ARHGAP15: variants seen among roughly 807,000 people sequenced by gnomAD.
ARHGAP15 encodes rho GTPase-activating protein 15.
ARHGAP15 carries 51 observed loss-of-function variants against 63.7 expected under a neutral mutation model. The observed-to-expected ratio is 0.80, with a 90% CI of 0.64 to 1.01. The LOEUF is 1.01. Ranked by LOEUF, ARHGAP15 falls within the 50% of genes least tolerant of loss-of-function variation. The probability of loss-of-function intolerance (pLI) is 0.00; values close to 1 mark genes in which losing one functional copy is unlikely to be tolerated. For synonymous variants in ARHGAP15, 191 were observed against 193.8 expected (o/e 0.99, Z 0.12); for missense variants, 560 against 564.6 (o/e 0.99, Z 0.08).
intron 11 of ARHGAP15, among the ~76,000 whole-genome samples, chr2:143,562,204 TA>T (rs1284698764): frequency 6.6e-6 from 1 of 152,226 alleles, no homozygotes; most frequent in African/African-American, 2.4e-5. Context: ...AGCCAAGCAT[TA>T]ACTTTAGTAG....
intron 13 of ARHGAP15, among the ~76,000 whole-genome samples, chr2:143,739,360 G>C (rs1685875076): frequency 6.6e-6 from 1 of 152,008 alleles, no homozygotes; most frequent in Non-Finnish European, 1.5e-5. Context: ...CAAGCAGAAA[G>C]GCCATTTGGG....
At chr2:143,534,891 TAAA>T (rs1227825167) in intron 10 of ARHGAP15, among the ~76,000 whole-genome samples, 1 of 150,886 alleles carries the variant, frequency 6.6e-6, no homozygotes, top group Non-Finnish European at 1.5e-5. Flanking sequence ...AAAAAAAAAA[TAAA>T]AAACAAAACA....
intron 6 of ARHGAP15, among the ~76,000 whole-genome samples, chr2:143,381,888 G>C (rs1355557223): frequency 6.6e-6 from 1 of 152,004 alleles, no homozygotes; most frequent in Non-Finnish European, 1.5e-5. Context: ...ACAAATAAGA[G>C]GTGATTTTCA....
chr2:143,707,302 A>G (rs897895849), intron 13 of ARHGAP15, among the ~76,000 whole-genome samples: 4 of 152,230 alleles, frequency 2.6e-5, no homozygotes, highest in African/African-American at 9.6e-5. Flanking sequence ...TTTGTCTCCC[A>G]TATCCAGTCA....
At chr2:143,190,687 G>T (rs943608968) in intron 2 of ARHGAP15, among the ~76,000 whole-genome samples, 15 of 152,192 alleles carry the variant, frequency 9.9e-5, no homozygotes, top group African/African-American at 3.6e-4. Flanking sequence ...GATGGCTGTT[G>T]CAGGCAGTCT....
At chr2:143,657,486 CT>C (rs1356616822) in intron 12 of ARHGAP15, among the ~76,000 whole-genome samples, 1 of 152,184 alleles carries the variant, frequency 6.6e-6, no homozygotes, top group Non-Finnish European at 1.5e-5. Flanking sequence ...GAACAGTTGT[CT>C]TTTTGTACTA....
chr2:143,499,549 A>T (rs1692964383), intron 9 of ARHGAP15, among the ~76,000 whole-genome samples: 1 of 152,190 alleles, frequency 6.6e-6, no homozygotes, highest in African/African-American at 2.4e-5. Context: ...GCTCAGGAAT[A>T]TTCAGGAGCC....
intron 13 of ARHGAP15, among the ~76,000 whole-genome samples, chr2:143,756,502 G>A (rs371640849): frequency 1.3e-5 from 2 of 152,058 alleles, no homozygotes; most frequent in East Asian, 1.9e-4. Context: ...AATGCAGAGC[G>A]ATGCCTTCCC....
At chr2:143,320,970 C>T (rs1683992329) in intron 6 of ARHGAP15, among the ~76,000 whole-genome samples, 2 of 152,120 alleles carry the variant, frequency 1.3e-5, no homozygotes, top group Non-Finnish European at 2.9e-5. Context: ...ACCTTGCAGC[C>T]AGCACCAGGC....
At chr2:143,266,443 T>A (rs1004162638) in intron 6 of ARHGAP15, among the ~76,000 whole-genome samples, 4 of 152,172 alleles carry the variant, frequency 2.6e-5, no homozygotes, top group African/African-American at 9.6e-5. Context: ...AATACTACTT[T>A]GCTGGGCCCC....
At chr2:143,213,670 T>C (rs1330035961) in intron 3 of ARHGAP15, among the ~76,000 whole-genome samples, 1 of 152,194 alleles carries the variant, frequency 6.6e-6, no homozygotes, top group Non-Finnish European at 1.5e-5. Context: ...TAGTAGGTAA[T>C]AGAACATAGC....
At chr2:143,280,671 G>T (rs1023461620) in intron 6 of ARHGAP15, among the ~76,000 whole-genome samples, 4 of 152,062 alleles carry the variant, frequency 2.6e-5, no homozygotes, top group African/African-American at 9.7e-5. Flanking sequence ...ATCTGTCTAT[G>T]GTGCCTTCTT....
At chr2:143,588,334 T>C (rs1350038722) in intron 11 of ARHGAP15, among the ~76,000 whole-genome samples, 1 of 152,218 alleles carries the variant, frequency 6.6e-6, no homozygotes, top group Non-Finnish European at 1.5e-5. Flanking sequence ...AATTTGCTTT[T>C]GTGAGTAGAA....
chr2:143,208,015 A>G (rs550472200), intron 3 of ARHGAP15, among the ~76,000 whole-genome samples: 6 of 152,122 alleles, frequency 3.9e-5, no homozygotes, highest in Admixed American at 6.6e-5. Flanking sequence ...AGAGTCATCC[A>G]GGAGTCCTGG....
chr2:143,208,810 T>G (rs1264184944), intron 3 of ARHGAP15, among the ~76,000 whole-genome samples: 1 of 152,182 alleles, frequency 6.6e-6, no homozygotes, highest in Non-Finnish European at 1.5e-5. Context: ...GTTTATAACA[T>G]GTTAAATCTT....
At chr2:143,410,565 T>C (rs557734925) in intron 6 of ARHGAP15, among the ~76,000 whole-genome samples, 41 of 152,332 alleles carry the variant, frequency 2.7e-4, no homozygotes, top group African/African-American at 9.4e-4. Flanking sequence ...GGTATACATA[T>C]GTGTCGAGCA....
intron 6 of ARHGAP15, among the ~76,000 whole-genome samples, chr2:143,358,540 AAAG>A (rs1396079112): frequency 1.3e-5 from 2 of 151,800 alleles, no homozygotes; most frequent in Non-Finnish European, 2.9e-5. Context: ...AGTAAAAAAA[AAAG>A]AGGAAGCATT....
chr2:143,534,101 G>C (rs541676825), intron 10 of ARHGAP15, among the ~76,000 whole-genome samples: 2 of 152,094 alleles, frequency 1.3e-5, no homozygotes, highest in Non-Finnish European at 2.9e-5. Flanking sequence ...CATGTCAATC[G>C]AGAGACGAGG....
intron 6 of ARHGAP15, among the ~76,000 whole-genome samples, chr2:143,409,066 A>ATC (rs1367012630): frequency 6.6e-6 from 1 of 152,020 alleles, no homozygotes; most frequent in East Asian, 1.9e-4. Flanking sequence ...GAAAGCAATG[A>ATC]TCTCTGACAC....
Sources: allele counts gnomAD v4.1 joint callset (sites outside exome capture counted in the v4.1 genomes callset), GRCh38; gene constraint gnomAD v4.1.1; transcripts MANE v1.5; gene names NCBI Gene and HGNC (gene_info 2026-07-23, HGNC 2026-07-21).